Variants in WDR25 observed in about 807,000 individuals in gnomAD.
The protein encoded by WDR25 is WD repeat domain 25.
Under a neutral mutation model 47.7 loss-of-function variants are expected in WDR25, and 35 were observed. The ratio of observed to expected loss-of-function variants is 0.73; its 90% CI spans 0.56 to 0.97. The LOEUF (loss-of-function observed/expected upper bound fraction) is 0.97, where lower values mean the gene tolerates loss of function less well. Among genes scored for constraint, WDR25 ranks in the 50% least tolerant of loss-of-function variants. WDR25 has a pLI of 0.00. For missense variants in WDR25, 634 were observed against 704.7 expected (o/e 0.90, Z 1.14); for synonymous variants, 248 against 278.9 (o/e 0.89, Z 1.10).
chr14:100,476,854 G>T (rs1028983235), intron 3 of WDR25, among the ~76,000 whole-genome samples: 1 of 152,182 alleles, frequency 6.6e-6, no homozygotes, highest in Non-Finnish European at 1.5e-5. Flanking sequence ...CCTGGAGAGG[G>T]GGGCATGAGC....
chr14:100,478,679 TTTTC>T (rs1900099195), intron 3 of WDR25, among the ~76,000 whole-genome samples: 1 of 152,332 alleles, frequency 6.6e-6, no homozygotes, highest in African/African-American at 2.4e-5. Context: ...AAAAGACAGA[TTTTC>T]AATCTCTTTA....
At chr14:100,459,880 A>ATGTGTGTGTG (rs1279093956) in intron 2 of WDR25, among the ~76,000 whole-genome samples, 1 of 71,688 alleles carries the variant, frequency 1.4e-5, no homozygotes, top group African/African-American at 7.4e-5. Flanking sequence ...ATATATCCGT[A>ATGTGTGTGTG]TATGTGTGTG....
intron 4 of WDR25, among the ~76,000 whole-genome samples, chr14:100,492,788 A>AT (rs1186464665): frequency 6.6e-6 from 1 of 152,008 alleles, no homozygotes; most frequent in East Asian, 1.9e-4. Context: ...TGCCTTAGTT[A>AT]TTTTTTTGTC....
chr14:100,426,063 T>A (rs1487542442), intron 2 of WDR25, among the ~76,000 whole-genome samples: 37 of 152,238 alleles, frequency 2.4e-4, no homozygotes, highest in Admixed American at 2.4e-3. Context: ...TTTAAAAAAT[T>A]AATAGATATG....
chr14:100,503,292 A>C (rs907786398), intron 4 of WDR25, among the ~76,000 whole-genome samples: 2 of 152,116 alleles, frequency 1.3e-5, no homozygotes, highest in Non-Finnish European at 2.9e-5. Context: ...CCAGCTCATC[A>C]GTTACACCTG....
chr14:100,489,920 C>G (rs1900506819), intron 4 of WDR25, among the ~76,000 whole-genome samples: 2 of 152,346 alleles, frequency 1.3e-5, no homozygotes, highest in East Asian at 3.9e-4. Flanking sequence ...CCAGCATACC[C>G]TGGTGTCACA....
Position 100,491,567 on chromosome 14 carries a change from G to A in WDR25, c.1101+7443G>A, listed in dbSNP as rs532425286. Among the ~76,000 whole-genome samples the A allele has an allele frequency of 6.6e-5, 10 of 152,306 alleles. No individual in the cohort carries two copies. The South Asian group carries it at 1.7e-3, about 25-fold the overall frequency. The stretch of plus-strand genomic sequence containing the variant: ...GCTAGACCTCTAGCTTAGATGTGTC[G>A]CAGGCTATACCGTCGAGGTTCGTGT... On this transcript the variant is annotated intron_variant, in intron 4 of 6. Coordinates refer to ENST00000402312, the MANE Select transcript of WDR25 (RefSeq NM_001161476.3).
intron 4 of WDR25, among the ~76,000 whole-genome samples, chr14:100,509,919 G>T (rs905575279): frequency 2.0e-5 from 3 of 151,704 alleles, no homozygotes; most frequent in Non-Finnish European, 4.4e-5. Context: ...AATAGATTTA[G>T]GTCTATTGTT....
At chr14:100,413,382 T>C (rs1408350490) in intron 2 of WDR25, among the ~76,000 whole-genome samples, 1 of 151,594 alleles carries the variant, frequency 6.6e-6, no homozygotes, top group Non-Finnish European at 1.5e-5. Flanking sequence ...TCATTGTAGG[T>C]TGGTACAAAA....
chr14:100,481,275 G>T, intron 3 of WDR25: 1 of 762,358 alleles, frequency 1.3e-6, no homozygotes, highest in East Asian at 4.9e-5. Flanking sequence ...AAGTCTGATA[G>T]AATACCATAT....
chr14:100,409,613 A>G (rs1000866637), intron 2 of WDR25, among the ~76,000 whole-genome samples: 6 of 152,200 alleles, frequency 3.9e-5, no homozygotes, highest in Non-Finnish European at 7.3e-5. Context: ...GAAATTAAGT[A>G]AAGGCTGTGT....
At chr14:100,391,615 A>T (rs1190592311) in intron 2 of WDR25, among the ~76,000 whole-genome samples, 1 of 151,624 alleles carries the variant, frequency 6.6e-6, no homozygotes, top group African/African-American at 2.4e-5. Context: ...CCCAGAGGCA[A>T]TGACTGCAGA....
Position 100,448,668 on chromosome 14 carries a change from C to T in WDR25, c.823-19353C>T, listed in dbSNP as rs565004799. Among the ~76,000 whole-genome samples, 4 of 152,252 alleles carry T rather than the reference C, an allele frequency of 2.6e-5. No individual in the cohort carries two copies. The South Asian group carries it at 8.3e-4, about 32-fold the overall frequency. On this transcript the variant is annotated intron_variant, in intron 2 of 6. Coordinates refer to ENST00000402312, the MANE Select transcript of WDR25 (RefSeq NM_001161476.3). ...TGGGCATGTGGCAGTCTAGATAAAC[C>T]ATAGCCTTGTGGTGGTGATGGGGTC...
intron 3 of WDR25, among the ~76,000 whole-genome samples, chr14:100,473,551 C>T (rs905314527): frequency 6.6e-6 from 1 of 152,182 alleles, no homozygotes; most frequent in Non-Finnish European, 1.5e-5. Context: ...AAGGAGTGCT[C>T]CAGACTCATG....
chr14:100,399,147 T>C (rs973594356), intron 2 of WDR25, among the ~76,000 whole-genome samples: 1 of 152,254 alleles, frequency 6.6e-6, no homozygotes, highest in Non-Finnish European at 1.5e-5. Flanking sequence ...TGGGCTAATG[T>C]TGACATTAGC....
At position 100,525,742 on chromosome 14, in the gene WDR25, G is replaced by A. The variant is rs557155860; in HGVS notation, c.1102-128G>A. ...ATATATGGCTTGTGGGTGCTGCTCA[G>A]CCTGGGTGTGTGTGGCCCAGCATAA... On this transcript the variant is annotated intron_variant, in intron 4 of 6. Transcript: ENST00000402312. This position sits in a 1 kb window ranked among gnomAD's most constrained non-coding sequence, Gnocchi z 4.6. 191 of 1,087,206 alleles carry A rather than the reference G, an allele frequency of 1.8e-4. 1 individual carries two copies. In the East Asian group the frequency reaches 4.9e-3, roughly 28 times the overall value. 67.3% of individuals were successfully genotyped at this position (1,087,206 alleles called of 1,614,324 possible).
chr14:100,453,327 C>T (rs1899100846), intron 2 of WDR25, among the ~76,000 whole-genome samples: 1 of 152,184 alleles, frequency 6.6e-6, no homozygotes, highest in African/African-American at 2.4e-5. Context: ...CAGGTGCCTG[C>T]CCCACCTCTC....
chr14:100,403,240 AG>A (rs1157726877), intron 2 of WDR25, among the ~76,000 whole-genome samples: 4 of 152,198 alleles, frequency 2.6e-5, no homozygotes, highest in Admixed American at 2.6e-4. Flanking sequence ...GGATCTGGAG[AG>A]GCCACATCTG....
chr14:100,419,136 T>C (rs57243931), intron 2 of WDR25, among the ~76,000 whole-genome samples: 44,081 of 150,570 alleles, frequency 0.29, 7,483 homozygotes, highest in African/African-American at 0.47. Flanking sequence ...GCAGGACAAT[T>C]GCTTGAACTC....
Sources: allele counts gnomAD v4.1 joint callset (sites outside exome capture counted in the v4.1 genomes callset), GRCh38; gene constraint gnomAD v4.1.1; non-coding constraint Gnocchi (gnomAD v3.1); transcripts MANE v1.5; gene names NCBI Gene and HGNC (gene_info 2026-07-23, HGNC 2026-07-21).